The following CARMIL1 variants were observed in gnomAD, a reference collection of about 807,000 sequenced individuals.
CARMIL1 encodes F-actin-uncapping protein LRRC16A.
In CARMIL1, 90 loss-of-function variants were observed where a neutral mutation model predicts 177.1. The ratio of observed to expected loss-of-function variants is 0.51; its 90% CI spans 0.43 to 0.61. CARMIL1 has a LOEUF of 0.61. Among genes scored for constraint, CARMIL1 ranks in the 20% least tolerant of loss-of-function variants. The pLI is 0.00. For missense variants in CARMIL1, 1,380 were observed against 1,667.0 expected (o/e 0.83, Z 3.00); for synonymous variants, 577 against 606.2 (o/e 0.95, Z 0.71).
intron 9 of CARMIL1, among the ~76,000 whole-genome samples, chr6:25,468,437 A>G (rs895778318): frequency 2.6e-5 from 4 of 152,164 alleles, no homozygotes; most frequent in Admixed American, 6.5e-5. Flanking sequence ...TTACTTTGCA[A>G]TAGTTCATTT....
intron 2 of CARMIL1, among the ~76,000 whole-genome samples, chr6:25,411,082 A>T (rs1219992649): frequency 2.6e-5 from 4 of 152,194 alleles, no homozygotes; most frequent in African/African-American, 9.6e-5. Flanking sequence ...CTTTATAGTT[A>T]TATTTTTTCT....
At chr6:25,348,227 G>A (rs1026190039) in intron 2 of CARMIL1, among the ~76,000 whole-genome samples, 1 of 151,914 alleles carries the variant, frequency 6.6e-6, no homozygotes, top group Non-Finnish European at 1.5e-5. Flanking sequence ...CCGCCTCCCG[G>A]GTTCAATCGA....
chr6:25,313,215 A>G (rs1783977153), intron 2 of CARMIL1, among the ~76,000 whole-genome samples: 1 of 151,318 alleles, frequency 6.6e-6, no homozygotes, highest in Non-Finnish European at 1.5e-5. Context: ...AGAAAAAAAA[A>G]CCAAGCTTAG....
intron 36 of CARMIL1, among the ~76,000 whole-genome samples, chr6:25,613,648 A>G (rs1816671598): frequency 2.0e-5 from 3 of 152,204 alleles, no homozygotes; most frequent in African/African-American, 7.2e-5. Context: ...TTTTGTGCCT[A>G]AAGTACTCAT....
chr6:25,393,787 T>C (rs1361421420), intron 2 of CARMIL1, among the ~76,000 whole-genome samples: 1 of 151,006 alleles, frequency 6.6e-6, no homozygotes, highest in African/African-American at 2.4e-5. Context: ...AACCCAGGAG[T>C]TGGAGGCTGC....
intron 2 of CARMIL1, among the ~76,000 whole-genome samples, chr6:25,324,501 T>G (rs753387354): frequency 1.8e-4 from 27 of 152,284 alleles, no homozygotes; most frequent in Non-Finnish European, 2.9e-4. Flanking sequence ...ACAGAATGCT[T>G]AAGCCTGGCA....
chr6:25,317,844 C>T (rs912898547), intron 2 of CARMIL1, among the ~76,000 whole-genome samples: 9 of 152,148 alleles, frequency 5.9e-5, no homozygotes, highest in African/African-American at 7.2e-5. Flanking sequence ...AGATTACAGA[C>T]GTGAGCCACT....
Position 25,594,422 on chromosome 6 carries a change from C to T in CARMIL1, c.3014C>T (p.Ala1005Val). ...KQQPTQAAVC[A>V]ANIVSQDGEQ... ...CATCTGTTTGTTTTGCAGGTCTGTG[C>T]TGCCAACATAGTCTCACAAGATGGT... The change falls in exon 32 of 37, where the codon GCT (alanine) becomes GTT (valine). Residue 1005 changes from alanine (A) to valine (V), a missense_variant. Coordinates refer to ENST00000329474, the MANE Select transcript of CARMIL1 (RefSeq NM_017640.6). The T allele has an allele frequency of 6.2e-7, 1 of 1,606,552 alleles. No individual in the cohort carries two copies. The highest frequency in any genetic ancestry group is 8.5e-7 in the Non-Finnish European group (1 of 1,174,938).
intron 2 of CARMIL1, chr6:25,370,018 G>T (rs1790250594): frequency 6.6e-6 from 1 of 152,148 alleles, no homozygotes; most frequent in Admixed American, 6.5e-5. Flanking sequence ...CATCCACTGG[G>T]AGCTGTTTTC....
In CARMIL1 at chr6:25,313,683, G is replaced by GCATATATATATATATATATATATATA; in HGVS notation, c.138+28774_138+28775insCATATATATATATATATATATATATA. 2.1e-3 allele frequency among the ~76,000 whole-genome samples: 285 copies of GCATATATATATATATATATATATATA among 133,648 alleles called. 24 individuals are homozygous for GCATATATATATATATATATATATATA. The highest frequency in any genetic ancestry group is 0.013 in the South Asian group (49 of 3,766). 87.7% of individuals were successfully genotyped at this position (133,648 alleles called of 152,430 possible). ...TAAAGATCTTTACCCAGGGAAGGCT[G>GCATATATATATATATATATATATATA]TATATATACAGTTATTTGGGAGAAA... On this transcript the variant is annotated intron_variant, in intron 2 of 36. Transcript: ENST00000329474.
At position 25,370,285 on chromosome 6, in the gene CARMIL1, G is replaced by A. The variant is rs75828904; in HGVS notation, c.139-49829G>A. ...TCATTTCAGAACTGGACTCTGTGTG[G>A]CTTCTATTTTATTCAAGACCTTCAT... On this transcript the variant is annotated intron_variant, in intron 2 of 36. Coordinates refer to ENST00000329474, the MANE Select transcript of CARMIL1 (RefSeq NM_017640.6). Among the ~76,000 whole-genome samples the A allele has an allele frequency of 4.9e-3, 742 of 152,226 alleles. 6 individuals carry two copies. Among genetic ancestry groups the A allele is most frequent in the African/African-American group, 0.017 (701 of 41,520 alleles).
chr6:25,494,591 G>A (rs905315508), intron 15 of CARMIL1, among the ~76,000 whole-genome samples: 1 of 152,106 alleles, frequency 6.6e-6, no homozygotes, highest in Non-Finnish European at 1.5e-5. Context: ...TAGGTTTTTG[G>A]TATGGACATA....
chr6:25,334,945 C>G (rs1041313093), intron 2 of CARMIL1, among the ~76,000 whole-genome samples: 1 of 152,188 alleles, frequency 6.6e-6, no homozygotes, highest in Admixed American at 6.5e-5. Flanking sequence ...ATAGGCCCTT[C>G]ACACCTCTTC....
At chr6:25,390,316 A>ATTTTTTT (rs1316087000) in intron 2 of CARMIL1, among the ~76,000 whole-genome samples, 2 of 42,212 alleles carry the variant, frequency 4.7e-5, no homozygotes, top group Non-Finnish European at 8.9e-5. Flanking sequence ...ATATATATAT[A>ATTTTTTT]TATATTTTTT....
chr6:25,459,246 C>CTTTCTTTCTTTCTT (rs1562167265), intron 8 of CARMIL1, among the ~76,000 whole-genome samples: 1 of 110,958 alleles, frequency 9.0e-6, no homozygotes, highest in African/African-American at 3.3e-5. Context: ...TTCTTTCTTT[C>CTTTCTTTCTTTCTT]TTTCTTTCTT....
chr6:25,339,998 C>T (rs1010128546), intron 2 of CARMIL1, among the ~76,000 whole-genome samples: 5 of 152,190 alleles, frequency 3.3e-5, no homozygotes, highest in African/African-American at 1.2e-4. Context: ...GCCTAGTCTG[C>T]CTGCATTGTT....
intron 29 of CARMIL1, among the ~76,000 whole-genome samples, chr6:25,572,302 A>C (rs7742338): frequency 0.15 from 22,961 of 152,152 alleles, 1,843 homozygotes; most frequent in Middle Eastern, 0.21. Context: ...ATTAGACTAT[A>C]CTTGTCCTTT....
intron 2 of CARMIL1, among the ~76,000 whole-genome samples, chr6:25,360,033 A>G (rs1311106925): frequency 6.6e-6 from 1 of 152,222 alleles, no homozygotes; most frequent in Non-Finnish European, 1.5e-5. Flanking sequence ...GTCACTTCAC[A>G]GGTGTATCAC....
chr6:25,375,508 G>A (rs1790883871), intron 2 of CARMIL1, among the ~76,000 whole-genome samples: 1 of 152,172 alleles, frequency 6.6e-6, no homozygotes, highest in South Asian at 2.1e-4. Flanking sequence ...AATTATTTAT[G>A]CTTCTTGCAT....
Sources: gnomAD v4.1 joint callset for allele counts (sites outside exome capture counted in the v4.1 genomes callset) on GRCh38, gnomAD v4.1.1 for gene constraint, MANE v1.5 for transcripts, NCBI Gene and HGNC (gene_info 2026-07-23, HGNC 2026-07-21) for gene names.